Variants in USP7 observed in about 807,000 individuals in gnomAD.
USP7 encodes the protein ubiquitin specific peptidase 7.
Under a neutral mutation model 162.9 loss-of-function variants are expected in USP7, and 9 were observed. The ratio of observed to expected loss-of-function variants is 0.06; its 90% CI spans 0.03 to 0.10. The LOEUF (loss-of-function observed/expected upper bound fraction) is 0.10, where lower values mean the gene tolerates loss of function less well. Ranked by LOEUF, USP7 falls within the 10% of genes least tolerant of loss-of-function variation. USP7 has a pLI of 1.00. For synonymous variants in USP7, 562 were observed against 475.9 expected (o/e 1.18, Z -2.35); for missense variants, 715 against 1,373.7 (o/e 0.52, Z 7.58).
intron 6 of USP7, among the ~76,000 whole-genome samples, chr16:8,918,047 C>T (rs961710985): frequency 6.6e-6 from 1 of 152,152 alleles, no homozygotes; most frequent in Non-Finnish European, 1.5e-5. Context: ...GCCTCGGCCT[C>T]CCAAAGTGCT....
rs76010282 is a variant in USP7, at chr16:8,928,844, A to G, written c.184+1449T>C. 1.9e-3 allele frequency among the ~76,000 whole-genome samples: 291 copies of G among 152,238 alleles called. 1 individual carries two copies. The highest frequency in any genetic ancestry group is 6.7e-3 in the African/African-American group (280 of 41,556). ...CCTCAAAAGGAAGGGGACTTTACCC[A>G]TATTGTCCCCTCATAAGTCATTCTC... On this transcript the variant is annotated intron_variant, in intron 2 of 30. Transcript: ENST00000344836.
chr16:8,940,503 A>G (rs1028920517), intron 1 of USP7, among the ~76,000 whole-genome samples: 12 of 152,118 alleles, frequency 7.9e-5, no homozygotes, highest in African/African-American at 2.9e-4. Flanking sequence ...GGCAGGGGTT[A>G]CCTTGGGACC....
At chr16:8,927,420 AT>A (rs1898072290) in intron 2 of USP7, among the ~76,000 whole-genome samples, 2 of 152,318 alleles carry the variant, frequency 1.3e-5, no homozygotes, top group Admixed American at 6.5e-5. Flanking sequence ...TGTTGCAGTG[AT>A]TTTAGCAAAC....
In USP7 at chr16:8,919,147, ATCAG is replaced by A. The variant is rs1897537250; in HGVS notation, c.612-12_612-9del. On this transcript the variant is annotated splice_polypyrimidine_tract_variant and intron_variant, in intron 5 of 30. Transcript: ENST00000344836. ...TGCTTCTTTGAATCCCACCTGAAAG[ATCAG>A]TTCAAGGTTGAGGGGATCTTGCAGA... The A allele has an allele frequency of 6.2e-7, 1 of 1,613,906 alleles. No individual in the cohort carries two copies. The highest frequency in any genetic ancestry group is 8.5e-7 in the Non-Finnish European group (1 of 1,179,938).
At chr16:8,899,916 C>A in intron 21 of USP7, 159 bp from the exon 22 acceptor site, 1 of 836,746 alleles carries the variant, frequency 1.2e-6, no homozygotes, top group Non-Finnish European at 1.9e-6. Flanking sequence ...GCCTGAGCTC[C>A]CTCTGTAAGC....
intron 12 of USP7, among the ~76,000 whole-genome samples, chr16:8,908,101 C>G (rs562318300): frequency 1.6e-4 from 25 of 152,198 alleles, no homozygotes; most frequent in Non-Finnish European, 2.6e-4. Flanking sequence ...TAGCTGAGAG[C>G]AGGGCTGGGA....
chr16:8,919,563 A>G (rs1897568077), intron 5 of USP7, among the ~76,000 whole-genome samples: 1 of 152,126 alleles, frequency 6.6e-6, no homozygotes, highest in Admixed American at 6.6e-5. Context: ...AGAAGTGTGT[A>G]TTCACCAAGT....
Position 8,902,546 on chromosome 16 carries a change from C to T in USP7, c.1840-64G>A, listed in dbSNP as rs114762380. On this transcript the variant is annotated intron_variant, in intron 16 of 30. Transcript: ENST00000344836. ...GCTCATATTTTAGTCCTCTATATTACACACACATATGTATATACATATACA... is the reference window on the plus strand; with the variant it reads ...GCTCATATTTTAGTCCTCTATATTATACACACATATGTATATACATATACA... 1,129 of 1,316,060 alleles carry T rather than the reference C, an allele frequency of 8.6e-4. 11 individuals carry two copies. In the African/African-American group the frequency reaches 0.014, roughly 17 times the overall value. 81.5% of individuals were successfully genotyped at this position (1,316,060 alleles called of 1,614,324 possible).
intron 1 of USP7, among the ~76,000 whole-genome samples, chr16:8,955,077 T>C (rs1264472174): frequency 3.9e-5 from 6 of 152,260 alleles, no homozygotes; most frequent in Non-Finnish European, 8.8e-5. Context: ...TAATCACCTA[T>C]ACCCACTTTC....
intron 1 of USP7, among the ~76,000 whole-genome samples, chr16:8,955,056 C>G (rs1036417095): frequency 2.0e-5 from 3 of 152,222 alleles, no homozygotes; most frequent in Non-Finnish European, 4.4e-5. Context: ...GGTGTGTGGA[C>G]CAGTCACTAT....
intron 7 of USP7, 59 bp from the exon 8 acceptor site, chr16:8,916,615 A>G: frequency 6.6e-7 from 1 of 1,517,480 alleles, no homozygotes; most frequent in Non-Finnish European, 9.0e-7. Context: ...GAGCAAATTA[A>G]AAGTAACTTA....
intron 1 of USP7, among the ~76,000 whole-genome samples, chr16:8,950,668 T>A (rs1899507826): frequency 6.6e-6 from 1 of 152,176 alleles, no homozygotes; most frequent in Non-Finnish European, 1.5e-5. Flanking sequence ...CTGCTAATTG[T>A]CCAAGATTCA....
At chr16:8,952,091 C>CA (rs1899579874) in intron 1 of USP7, among the ~76,000 whole-genome samples, 8 of 151,104 alleles carry the variant, frequency 5.3e-5, no homozygotes, top group South Asian at 2.1e-4. Context: ...CCCGTCTATA[C>CA]AAAAAAGAAA....
chr16:8,915,944 C>A (rs143996076), intron 8 of USP7, among the ~76,000 whole-genome samples: 2 of 152,322 alleles, frequency 1.3e-5, no homozygotes, highest in African/African-American at 4.8e-5. Context: ...CCAGCTAGTG[C>A]TGCAAAAAAG....
intron 25 of USP7, among the ~76,000 whole-genome samples, chr16:8,897,826 G>GAGGTC (rs2061713041): frequency 6.7e-6 from 1 of 148,278 alleles, no homozygotes; most frequent in South Asian, 2.1e-4. Context: ...TTGAGCCCAG[G>GAGGTC]AGGTCTACGC....
intron 21 of USP7, 31 bp from the exon 22 acceptor site, chr16:8,899,788 T>A: frequency 1.9e-6 from 3 of 1,613,816 alleles, no homozygotes; most frequent in Non-Finnish European, 2.5e-6. Flanking sequence ...GCAGTCTGAA[T>A]CAAAGTCCAT....
chr16:8,900,112 G>C, intron 21 of USP7: 1 of 381,418 alleles, frequency 2.6e-6, no homozygotes, highest in South Asian at 3.1e-5. Flanking sequence ...CCGTGAGTCA[G>C]GAAATCTGGG....
At chr16:8,962,912 T>A in intron 1 of USP7, 1 of 171,106 alleles carries the variant, frequency 5.8e-6, no homozygotes, top group Non-Finnish European at 1.2e-5. Flanking sequence ...AACACCTCCG[T>A]CCCTCCGCTG....
At chr16:8,894,191 T>C in intron 30 of USP7, 87 bp from the exon 31 acceptor site, 2 of 1,257,102 alleles carry the variant, frequency 1.6e-6, no homozygotes, top group Non-Finnish European at 1.2e-6. Flanking sequence ...CATGCATCCC[T>C]GTGGCTCCCC....
Sources: gnomAD v4.1 joint callset for allele counts (sites outside exome capture counted in the v4.1 genomes callset) on GRCh38, gnomAD v4.1.1 for gene constraint, MANE v1.5 for transcripts, NCBI Gene and HGNC (gene_info 2026-07-23, HGNC 2026-07-21) for gene names.